Variants in MUC20 observed in about 807,000 individuals in gnomAD.
MUC20 encodes mucin 20, cell surface associated.
Under a neutral mutation model 23.8 loss-of-function variants are expected in MUC20, and 14 were observed. The observed-to-expected ratio is 0.59, with a 90% CI of 0.39 to 0.92. MUC20 has a LOEUF of 0.92. Among genes scored for constraint, MUC20 ranks in the 40% least tolerant of loss-of-function variants. MUC20 has a pLI of 0.00. For missense variants in MUC20, 375 were observed against 668.8 expected (o/e 0.56, Z 4.85); for synonymous variants, 166 against 279.3 (o/e 0.59, Z 4.04).
intron 3 of MUC20, among the ~76,000 whole-genome samples, chr3:195,732,319 GTTTTCT>G (rs780123781): frequency 6.4e-4 from 97 of 150,958 alleles, no homozygotes; most frequent in African/African-American, 1.3e-3. Flanking sequence ...TGGGAAGCCA[GTTTTCT>G]TTTTCTTTTT....
intron 2 of MUC20, among the ~76,000 whole-genome samples, chr3:195,728,770 T>C (rs542862422): frequency 6.3e-4 from 96 of 152,138 alleles, no homozygotes; most frequent in African/African-American, 2.1e-3. Flanking sequence ...GACAATAACC[T>C]GCTTTCAAGG....
intron 2 of MUC20, among the ~76,000 whole-genome samples, chr3:195,727,608 A>C (rs1452660397): frequency 6.6e-6 from 1 of 152,280 alleles, no homozygotes; most frequent in Non-Finnish European, 1.5e-5. Flanking sequence ...TGGGAATACA[A>C]ATATTAATCA....
intron 3 of MUC20, among the ~76,000 whole-genome samples, chr3:195,731,834 A>G (rs2641733): frequency 0.85 from 129,950 of 152,264 alleles, 55,488 homozygotes; most frequent in African/African-American, 0.97. Context: ...CAGTGAGGCC[A>G]ATCGTGACTC....
intron 3 of MUC20, 132 bp downstream of exon 3, chr3:195,729,871 G>C: frequency 3.4e-6 from 3 of 879,138 alleles, no homozygotes; most frequent in Non-Finnish European, 5.2e-6. Flanking sequence ...ACGGAGAATT[G>C]GGAGCTGAAT....
intron 2 of MUC20, among the ~76,000 whole-genome samples, chr3:195,727,919 A>G (rs1043154292): frequency 1.3e-5 from 2 of 152,218 alleles, no homozygotes; most frequent in Non-Finnish European, 1.5e-5. Flanking sequence ...CCGGCTTTGC[A>G]TATGTTATCT....
At position 195,725,849 on chromosome 3, in the gene MUC20, G is replaced by C. The variant is rs779134982; in HGVS notation, c.1246G>C (p.Val416Leu). ...TCTCCTCGCTGAAGCCCTGGTGACTGTCACAAACATCGAGGTTATTAATTG... is the reference window on the plus strand; with the variant it reads ...TCTCCTCGCTGAAGCCCTGGTGACTCTCACAAACATCGAGGTTATTAATTG... Reference protein sequence around the residue: ...VTLLAEALVTVTNIEVINCSI... With the variant: ...VTLLAEALVTLTNIEVINCSI... Residue 416 changes from valine to leucine, a missense_variant, in exon 2 of 4, where the codon GTC (valine) becomes CTC (leucine). Physicochemically the swap from Val to Leu is conservative, Grantham distance 32. Coordinates refer to ENST00000447234, the MANE Select transcript of MUC20 (RefSeq NM_001282506.2). 6.3e-7 allele frequency: 1 copy of C among 1,597,764 alleles called. No individual in the cohort carries two copies. Among genetic ancestry groups the C allele is most frequent in the African/African-American group, 1.4e-5 (1 of 73,798 alleles).
Position 195,726,546 on chromosome 3 carries a change from C to A in MUC20, c.1943C>A (p.Thr648Lys). Residue 648 changes from threonine to lysine, a missense_variant, in exon 2 of 4, where the codon ACG (threonine) becomes AAG (lysine). This residue lies in a region of MUC20 where 343 missense variants were observed against 340.2 expected (regional missense o/e 1.01). Transcript: ENST00000447234. ...PPTATPTTAR[T>K]RPTTDVSAGE... ...ACAGCCACGCCCACGACTGCCCGGA[C>A]GAGGCCGACCACAGACGTGAGTGCA... is the stretch of plus-strand genomic sequence containing the variant. The A allele has an allele frequency of 1.2e-6, 2 of 1,610,756 alleles. No homozygotes were observed. Among genetic ancestry groups the A allele is most frequent in the Non-Finnish European group, 8.5e-7 (1 of 1,177,826 alleles).
chr3:195,731,272 T>G (rs1713362463), intron 3 of MUC20, among the ~76,000 whole-genome samples: 1 of 152,266 alleles, frequency 6.6e-6, no homozygotes, highest in South Asian at 2.1e-4. Flanking sequence ...CTGTCATCCC[T>G]TGCAAGGGTA....
chr3:195,723,181 C>T lies in MUC20; in HGVS notation c.77-1499C>T, dbSNP rs201133530. ...ATCTGACCCCGGAGCCAGTCGTGGG[C>T]GGCACAGCGGGAGCTGCAACCGAGG... On this transcript the variant is annotated intron_variant, in intron 1 of 3. Transcript: ENST00000447234. 0.018 allele frequency among the ~76,000 whole-genome samples: 2,515 copies of T among 139,310 alleles called. No homozygotes were observed. In the East Asian group the frequency reaches 0.19, roughly 11 times the overall value. The allele number at this position is 139,310 out of a possible 152,430, so 91.4% of individuals were successfully genotyped here. A position where few individuals can be genotyped will look rare whatever the true frequency, so the allele number is the denominator to read the frequency against.
At chr3:195,731,322 G>A (rs1713366674) in intron 3 of MUC20, among the ~76,000 whole-genome samples, 1 of 152,270 alleles carries the variant, frequency 6.6e-6, no homozygotes, top group Admixed American at 6.5e-5. Flanking sequence ...TATGCCAGGT[G>A]TAGAGTTCAT....
chr3:195,720,984 G>C lies in MUC20; in HGVS notation c.-24G>C, dbSNP rs750778679. On this transcript the variant is annotated 5_prime_UTR_variant, in exon 1 of 4. Coordinates refer to ENST00000447234, the MANE Select transcript of MUC20 (RefSeq NM_001282506.2). ...CCCGCGAGAGACAGCCAGCAGTTCT[G>C]TGGAGCAGCGGTGGCCGGCTAGGAT... The C allele has an allele frequency of 1.9e-6, 3 of 1,564,844 alleles. No homozygotes were observed. The highest frequency in any genetic ancestry group is 2.6e-6 in the Non-Finnish European group (3 of 1,153,652).
Position 195,726,375 on chromosome 3 carries a change from C to T in MUC20, c.1772C>T (p.Thr591Ile), listed in dbSNP as rs373203016. Residue 591 changes from threonine (T) to isoleucine (I), a missense_variant, in exon 2 of 4, where the codon ACC (threonine) becomes ATC (isoleucine). Coordinates refer to ENST00000447234, the MANE Select transcript of MUC20 (RefSeq NM_001282506.2). Reference protein sequence around the residue: ...LKNFTPSETPTMDIATKGPFP... With the variant: ...LKNFTPSETPIMDIATKGPFP... Reference sequence around the variant, plus strand: ...AACTTCACCCCTTCAGAGACACCGACCATGGACATCGCAACCAAGGGGCCC... The same window carrying T: ...AACTTCACCCCTTCAGAGACACCGATCATGGACATCGCAACCAAGGGGCCC... 1 of 1,613,704 alleles carries T rather than the reference C, an allele frequency of 6.2e-7. No individual in the cohort carries two copies. Among genetic ancestry groups the T allele is most frequent in the African/African-American group, 1.3e-5 (1 of 74,942 alleles).
chr3:195,731,989 T>C (rs1447922788), intron 3 of MUC20, among the ~76,000 whole-genome samples: 2 of 47,864 alleles, frequency 4.2e-5, no homozygotes, highest in African/African-American at 1.0e-4. Context: ...TGTTTTGTTT[T>C]GTTTTGTTTT....
At chr3:195,721,527 A>T (rs1225648737) in intron 1 of MUC20, among the ~76,000 whole-genome samples, 1 of 151,668 alleles carries the variant, frequency 6.6e-6, no homozygotes, top group Non-Finnish European at 1.5e-5. Flanking sequence ...ATTACCTAGC[A>T]TGGATTTCCT....
chr3:195,728,247 C>A (rs149997874), intron 2 of MUC20, among the ~76,000 whole-genome samples: 1 of 152,274 alleles, frequency 6.6e-6, no homozygotes, highest in Non-Finnish European at 1.5e-5. Context: ...GGACCTGCAC[C>A]GGCACCAGTC....
At chr3:195,729,198 G>C (rs1451816217) in intron 2 of MUC20, 1 of 169,832 alleles carries the variant, frequency 5.9e-6, no homozygotes, top group Non-Finnish European at 1.3e-5. Flanking sequence ...TCCCCTGGCT[G>C]TGCCCCCACC....
Position 195,726,474 on chromosome 3 carries a change from C to A in MUC20, c.1871C>A (p.Thr624Asn), listed in dbSNP as rs201786008. The A allele has an allele frequency of 1.9e-6, 3 of 1,609,892 alleles. No individual in the cohort carries two copies. The highest frequency in any genetic ancestry group is 2.5e-6 in the Non-Finnish European group (3 of 1,178,672). The change falls in exon 2 of 4, where the codon ACC (threonine) becomes AAC (asparagine). Residue 624 changes from threonine to asparagine, a missense_variant. By Grantham distance (65) the Thr-to-Asn change is moderately conservative. Around this residue, in one of 4 missense-constraint regions of MUC20, gnomAD observed 343 missense variants for 340.2 expected, o/e 1.01. Coordinates refer to ENST00000447234, the MANE Select transcript of MUC20 (RefSeq NM_001282506.2). ...AACAGCAGCCGAGGGACGAACAGCA[C>A]CTTAGCCAAGATCACAACCTCAGCG... ...TTNSSRGTNS[T>N]LAKITTSAKT...
At chr3:195,730,296 C>G (rs1713246033) in intron 3 of MUC20, among the ~76,000 whole-genome samples, 1 of 152,362 alleles carries the variant, frequency 6.6e-6, no homozygotes, top group East Asian at 1.9e-4. Flanking sequence ...GCCATAGATT[C>G]ACAAGGGACT....
Position 195,733,426 on chromosome 3 carries a change from G to A in MUC20, c.*208G>A. The A allele has an allele frequency of 7.0e-7, 1 of 1,433,190 alleles. No individual in the cohort carries two copies. The highest frequency in any genetic ancestry group is 9.1e-7 in the Non-Finnish European group (1 of 1,097,474). The allele number at this position is 1,433,190 out of a possible 1,614,324, so 88.8% of individuals were successfully genotyped here. On this transcript the variant is annotated 3_prime_UTR_variant, in exon 4 of 4. Coordinates refer to ENST00000447234, the MANE Select transcript of MUC20 (RefSeq NM_001282506.2). ...CACCGGAGTGTATGTGTGGGGAGGGGCTTCACCTGTTCCCAGAGGTGTCCT... is the reference window on the plus strand; with the variant it reads ...CACCGGAGTGTATGTGTGGGGAGGGACTTCACCTGTTCCCAGAGGTGTCCT...
Sources: allele counts gnomAD v4.1 joint callset (sites outside exome capture counted in the v4.1 genomes callset), GRCh38; gene constraint gnomAD v4.1.1; regional missense constraint gnomAD v4.1.1; transcripts MANE v1.5; gene names NCBI Gene and HGNC (gene_info 2026-07-23, HGNC 2026-07-21).